DIAPH3: variants seen among roughly 807,000 people sequenced by gnomAD.
DIAPH3 encodes protein diaphanous homolog 3.
DIAPH3 carries 117 observed loss-of-function variants against 144.3 expected under a neutral mutation model. That is an observed-to-expected ratio of 0.81 (90% CI 0.70 to 0.95). DIAPH3 has a LOEUF of 0.95. Ranked by LOEUF, DIAPH3 falls within the 40% of genes least tolerant of loss-of-function variation. The pLI, the probability that DIAPH3 is intolerant of heterozygous loss-of-function variation, is 0.00. For synonymous variants in DIAPH3, 519 were observed against 488.9 expected (o/e 1.06, Z -0.81); for missense variants, 1,421 against 1,412.7 (o/e 1.01, Z -0.09).
At chr13:59,959,172 A>G (rs2049595000) in intron 17 of DIAPH3, among the ~76,000 whole-genome samples, 1 of 152,162 alleles carries the variant, frequency 6.6e-6, no homozygotes, top group Admixed American at 6.5e-5. Flanking sequence ...CACTGCACCC[A>G]GTCTTCAATA....
chr13:59,933,419 C>G (rs925629629), intron 17 of DIAPH3, among the ~76,000 whole-genome samples: 2 of 152,202 alleles, frequency 1.3e-5, no homozygotes, highest in Non-Finnish European at 2.9e-5. Context: ...TCCATAAACA[C>G]AATTTAGCAT....
chr13:59,793,371 C>G (rs1360973052), intron 25 of DIAPH3, among the ~76,000 whole-genome samples: 1 of 152,214 alleles, frequency 6.6e-6, no homozygotes, highest in Non-Finnish European at 1.5e-5. Flanking sequence ...TCCCCTTTGA[C>G]TTCTAAATCC....
rs187822330 is a variant in DIAPH3 at position 60,003,522 on chromosome 13, T to C, written c.1014+5022A>G. Among the ~76,000 whole-genome samples, 1,289 of 150,604 alleles carry C rather than the reference T, an allele frequency of 8.6e-3. 10 individuals carry two copies. Among genetic ancestry groups the C allele is most frequent in the Admixed American group, 0.012 (182 of 15,002 alleles). On this transcript the variant is annotated intron_variant, in intron 9 of 27. Coordinates refer to ENST00000400324, the MANE Select transcript of DIAPH3 (RefSeq NM_001042517.2). The stretch of plus-strand genomic sequence containing the variant: ...ATATATATGTATGTGTGTATACATA[T>C]ATATATAGATATATCTATCTATCTA...
At chr13:59,969,854 T>A in intron 17 of DIAPH3, 90 bp downstream of exon 17, 2 of 822,052 alleles carry the variant, frequency 2.4e-6, no homozygotes, top group South Asian at 3.5e-5. Flanking sequence ...ACAGGATTCA[T>A]AAAATAATGT....
At chr13:59,738,665 CAT>C (rs1364413823) in intron 27 of DIAPH3, among the ~76,000 whole-genome samples, 2 of 152,090 alleles carry the variant, frequency 1.3e-5, no homozygotes, top group Admixed American at 6.5e-5. Flanking sequence ...CCCACTAATC[CAT>C]GAAGGTATCT....
chr13:59,704,323 G>A (rs569258739), intron 27 of DIAPH3, among the ~76,000 whole-genome samples: 1 of 152,330 alleles, frequency 6.6e-6, no homozygotes, highest in Non-Finnish European at 1.5e-5. Flanking sequence ...GCAGCTGCAA[G>A]TATCTTCCTA....
intron 27 of DIAPH3, among the ~76,000 whole-genome samples, chr13:59,720,248 G>A (rs993069736): frequency 1.3e-4 from 19 of 151,950 alleles, no homozygotes; most frequent in African/African-American, 4.6e-4. Flanking sequence ...ATCTTATTGG[G>A]CCACCACTGT....
chr13:59,875,744 A>G (rs2044583395), intron 21 of DIAPH3, among the ~76,000 whole-genome samples: 1 of 152,188 alleles, frequency 6.6e-6, no homozygotes, highest in Non-Finnish European at 1.5e-5. Flanking sequence ...TCTTAATCAT[A>G]AATTCAGTTA....
intron 27 of DIAPH3, among the ~76,000 whole-genome samples, chr13:59,750,230 T>C (rs944738897): frequency 1.3e-5 from 2 of 152,198 alleles, no homozygotes; most frequent in Non-Finnish European, 2.9e-5. Context: ...GTTAAATTTA[T>C]ACCTAAAAAA....
At chr13:59,881,220 G>A (rs2045019574) in intron 20 of DIAPH3, among the ~76,000 whole-genome samples, 1 of 151,832 alleles carries the variant, frequency 6.6e-6, no homozygotes, top group Non-Finnish European at 1.5e-5. Context: ...ATTGCAAAAG[G>A]AAGATGTTCA....
chr13:59,694,415 G>A (rs947890051), intron 27 of DIAPH3, among the ~76,000 whole-genome samples: 1 of 152,058 alleles, frequency 6.6e-6, no homozygotes, highest in African/African-American at 2.4e-5. Context: ...AAAATTTAAA[G>A]CTTTTCATCC....
chr13:59,960,904 A>T (rs1292017127), intron 17 of DIAPH3, among the ~76,000 whole-genome samples: 1 of 152,174 alleles, frequency 6.6e-6, no homozygotes, highest in Non-Finnish European at 1.5e-5. Flanking sequence ...CGAGCTTTAT[A>T]TTTATTCCTG....
intron 2 of DIAPH3, among the ~76,000 whole-genome samples, chr13:60,119,401 G>C (rs2058777982): frequency 6.6e-6 from 1 of 152,102 alleles, no homozygotes; most frequent in African/African-American, 2.4e-5. Context: ...ACCCAACCCA[G>C]AACCACCCAG....
Position 60,016,056 on chromosome 13 carries a change from A to T in DIAPH3, c.701+15T>A, listed in dbSNP as rs1459443105. ...GAATGATGCTTACTTGAAAATAATT[A>T]TTAGCAATACTTACATTTTTCCACT... On this transcript the variant is annotated intron_variant, in intron 6 of 27. Transcript: ENST00000400324. 6.2e-7 allele frequency: 1 copy of T among 1,611,676 alleles called. No homozygotes were observed. The highest frequency in any genetic ancestry group is 8.5e-7 in the Non-Finnish European group (1 of 1,178,180).
chr13:59,800,873 G>C (rs938388642), intron 25 of DIAPH3, among the ~76,000 whole-genome samples: 3 of 152,114 alleles, frequency 2.0e-5, no homozygotes, highest in African/African-American at 7.2e-5. Context: ...AAAATAATCT[G>C]TTAAAATAGT....
At chr13:59,874,451 G>A (rs2044478534) in intron 21 of DIAPH3, among the ~76,000 whole-genome samples, 2 of 152,048 alleles carry the variant, frequency 1.3e-5, no homozygotes, top group South Asian at 4.1e-4. Context: ...GCTTATAAAA[G>A]GAATATCCAG....
At chr13:59,851,898 G>T (rs796456657) in intron 22 of DIAPH3, among the ~76,000 whole-genome samples, 16 of 152,168 alleles carry the variant, frequency 1.1e-4, no homozygotes, top group African/African-American at 3.9e-4. Flanking sequence ...GATTACAGGC[G>T]TGAGCCATGG....
chr13:60,056,352 G>A (rs976946449), intron 4 of DIAPH3, among the ~76,000 whole-genome samples: 2 of 151,438 alleles, frequency 1.3e-5, no homozygotes, highest in African/African-American at 2.4e-5. Context: ...ATAGATAGAT[G>A]AAAAGAAGAA....
chr13:59,882,075 G>T (rs1831929541), intron 20 of DIAPH3, among the ~76,000 whole-genome samples: 1 of 152,012 alleles, frequency 6.6e-6, no homozygotes, highest in Admixed American at 6.6e-5. Flanking sequence ...TGGAATCTAT[G>T]ATAATAACAG....
Sources: gnomAD v4.1 joint callset for allele counts (sites outside exome capture counted in the v4.1 genomes callset) on GRCh38, gnomAD v4.1.1 for gene constraint, MANE v1.5 for transcripts, NCBI Gene and HGNC (gene_info 2026-07-23, HGNC 2026-07-21) for gene names.